Variants in SUSD1 observed in about 807,000 individuals in gnomAD.
SUSD1 encodes the protein sushi domain-containing protein 1.
A neutral mutation model predicts 86.9 loss-of-function variants in SUSD1; 65 were observed. The ratio of observed to expected loss-of-function variants is 0.75; its 90% confidence interval spans 0.61 to 0.92. The LOEUF (loss-of-function observed/expected upper bound fraction) is 0.92, where lower values mean the gene tolerates loss of function less well. Among genes scored for constraint, SUSD1 ranks in the 40% least tolerant of loss-of-function variants. The pLI, the probability that SUSD1 is intolerant of heterozygous loss-of-function variation, is 0.00. For missense variants in SUSD1, 850 were observed against 929.7 expected (o/e 0.91, Z 1.11); for synonymous variants, 346 against 350.0 (o/e 0.99, Z 0.13).
chr9:112,164,270 G>T (rs1483667149), intron 1 of SUSD1, among the ~76,000 whole-genome samples: 1 of 152,134 alleles, frequency 6.6e-6, no homozygotes, highest in Non-Finnish European at 1.5e-5. Flanking sequence ...CCAGGTATAG[G>T]GGGAAGCACT....
At chr9:112,079,291 C>T (rs1036302510) in intron 11 of SUSD1, among the ~76,000 whole-genome samples, 26 of 151,942 alleles carry the variant, frequency 1.7e-4, no homozygotes, top group Non-Finnish European at 2.9e-4. Flanking sequence ...GGCTAAGGTC[C>T]CAATACTGGC....
chr9:112,145,667 T>C (rs1832780826), intron 3 of SUSD1, among the ~76,000 whole-genome samples: 1 of 152,194 alleles, frequency 6.6e-6, no homozygotes, highest in East Asian at 1.9e-4. Flanking sequence ...ATATTCTTTA[T>C]TCTTTTTCCT....
intron 11 of SUSD1, 83 bp downstream of exon 11, chr9:112,079,991 T>A (rs1829695416): frequency 1.1e-6 from 1 of 934,232 alleles, no homozygotes; most frequent in African/African-American, 1.6e-5. Context: ...TAGTTATAGA[T>A]GTAGATTTTT....
intron 15 of SUSD1, among the ~76,000 whole-genome samples, chr9:112,046,542 T>C (rs1233098607): frequency 2.0e-5 from 3 of 152,176 alleles, no homozygotes; most frequent in African/African-American, 7.2e-5. Flanking sequence ...CCTTCCCTGA[T>C]AGAAATATCA....
At chr9:112,119,476 A>G (rs1343462431) in intron 6 of SUSD1, among the ~76,000 whole-genome samples, 1 of 152,222 alleles carries the variant, frequency 6.6e-6, no homozygotes, top group Non-Finnish European at 1.5e-5. Flanking sequence ...CAGTGCCCAG[A>G]GCAGTTTAGA....
chr9:112,150,931 T>G (rs1257741196), intron 2 of SUSD1, among the ~76,000 whole-genome samples: 1 of 152,164 alleles, frequency 6.6e-6, no homozygotes, highest in East Asian at 1.9e-4. Context: ...GATACATGAC[T>G]GTAGACTTTT....
At chr9:112,145,096 A>G (rs2131770504) in intron 3 of SUSD1, among the ~76,000 whole-genome samples, 1 of 152,060 alleles carries the variant, frequency 6.6e-6, no homozygotes, top group Non-Finnish European at 1.5e-5. Flanking sequence ...TAATAATACT[A>G]TTTTCATCAG....
At chr9:112,117,550 T>C (rs148887798) in intron 6 of SUSD1, among the ~76,000 whole-genome samples, 341 of 152,328 alleles carry the variant, frequency 2.2e-3, no homozygotes, top group African/African-American at 7.7e-3. Flanking sequence ...ATATATATGT[T>C]ATGTATATAT....
At chr9:112,111,613 T>C in intron 8 of SUSD1, 41 bp downstream of exon 8, 2 of 1,597,210 alleles carry the variant, frequency 1.3e-6, no homozygotes, top group Non-Finnish European at 1.7e-6. Context: ...ATTCTGTGCT[T>C]AGCATTTTCT....
intron 12 of SUSD1, among the ~76,000 whole-genome samples, chr9:112,069,284 C>A (rs1829144300): frequency 6.6e-6 from 1 of 152,124 alleles, no homozygotes; most frequent in Admixed American, 6.5e-5. Flanking sequence ...CATGTTTTTC[C>A]TAAACCTGCG....
chr9:112,083,245 T>G (rs1829840444), intron 10 of SUSD1, among the ~76,000 whole-genome samples: 1 of 152,186 alleles, frequency 6.6e-6, no homozygotes, highest in African/African-American at 2.4e-5. Flanking sequence ...TTTTTTTTTT[T>G]GAGATGTAGT....
intron 12 of SUSD1, among the ~76,000 whole-genome samples, chr9:112,063,290 G>A (rs1828816405): frequency 6.6e-6 from 1 of 152,162 alleles, no homozygotes; most frequent in Non-Finnish European, 1.5e-5. Context: ...TGCTGGGGGT[G>A]GAGGGGGCAT....
At chr9:112,143,233 G>A (rs947670279) in intron 4 of SUSD1, among the ~76,000 whole-genome samples, 33 of 151,860 alleles carry the variant, frequency 2.2e-4, no homozygotes, top group African/African-American at 7.5e-4. Flanking sequence ...TGATCCACCA[G>A]CCTCGGCCTC....
intron 1 of SUSD1, among the ~76,000 whole-genome samples, chr9:112,157,898 G>A (rs1435531798): frequency 1.4e-5 from 2 of 147,366 alleles, no homozygotes; most frequent in African/African-American, 5.1e-5. Flanking sequence ...ATCACAGCTC[G>A]CTGCAGCCTC....
Position 112,113,796 on chromosome 9 carries a change from G to A in SUSD1, c.887-928C>T, listed in dbSNP as rs1298228770. The stretch of plus-strand genomic sequence containing the variant: ...AAAATACAAAACTTAGCGGTGCACG[G>A]TGGCACATGCCTGTAATCTCAACTA... On this transcript the variant is annotated intron_variant, in intron 6 of 16. Coordinates refer to ENST00000374270, the MANE Select transcript of SUSD1 (RefSeq NM_022486.5). This position sits in a 1 kb window ranked among gnomAD's most constrained non-coding sequence, Gnocchi z 4.1. Among the ~76,000 whole-genome samples the A allele has an allele frequency of 2.0e-5, 3 of 152,202 alleles. No homozygotes were observed. The South Asian group carries it at 6.2e-4, about 32-fold the overall frequency.
intron 1 of SUSD1, among the ~76,000 whole-genome samples, chr9:112,163,871 G>A (rs1833670311): frequency 6.6e-6 from 1 of 151,658 alleles, no homozygotes; most frequent in Non-Finnish European, 1.5e-5. Context: ...CATGGTGGTG[G>A]ACACCTGTAA....
chr9:112,141,778 TA>T (rs1564332572), intron 5 of SUSD1, among the ~76,000 whole-genome samples: 11 of 146,610 alleles, frequency 7.5e-5, no homozygotes, highest in Non-Finnish European at 1.3e-4. Context: ...ACATTACATG[TA>T]ATATATTACA....
chr9:112,062,896 G>A (rs767565582), intron 13 of SUSD1, 41 bp downstream of exon 13: 2 of 1,347,438 alleles, frequency 1.5e-6, no homozygotes, highest in South Asian at 1.2e-5. Flanking sequence ...AACACTCCAT[G>A]GGGATCACTG....
At chr9:112,131,857 G>A (rs1832049045) in intron 5 of SUSD1, among the ~76,000 whole-genome samples, 3 of 152,178 alleles carry the variant, frequency 2.0e-5, no homozygotes, top group Non-Finnish European at 2.9e-5. Flanking sequence ...TATGAGCATG[G>A]CTGGGAATTT....
Sources: allele counts gnomAD v4.1 joint callset (sites outside exome capture counted in the v4.1 genomes callset), GRCh38; gene constraint gnomAD v4.1.1; non-coding constraint Gnocchi (gnomAD v3.1); transcripts MANE v1.5; gene names NCBI Gene and HGNC (gene_info 2026-07-23, HGNC 2026-07-21).